TTLL6: variants seen among roughly 807,000 people sequenced by gnomAD.
The protein encoded by TTLL6 is tubulin polyglutamylase TTLL6.
A neutral mutation model predicts 96.4 loss-of-function variants in TTLL6; 75 were observed. The ratio of observed to expected loss-of-function variants is 0.78; its 90% CI spans 0.65 to 0.94. The LOEUF is 0.94. Among genes scored for constraint, TTLL6 ranks in the 40% least tolerant of loss-of-function variants. The pLI is 0.00. For missense variants in TTLL6, 1,030 were observed against 1,093.0 expected, an observed-to-expected ratio of 0.94 and a Z score of 0.81; for synonymous variants, 411 against 419.4, an observed-to-expected ratio of 0.98 and a Z score of 0.24.
At chr17:48,812,003 A>G (rs2143497901) in intron 1 of TTLL6, among the ~76,000 whole-genome samples, 2 of 151,990 alleles carry the variant, frequency 1.3e-5, no homozygotes, top group Admixed American at 1.3e-4. Context: ...GCCCAGCCAG[A>G]AAGCATTTTA....
rs1555569643 is a variant in TTLL6, at chr17:48,810,825, G to GTATA, written c.104-5838_104-5835dup. Among the ~76,000 whole-genome samples, 544 of 84,312 alleles carry GTATA rather than the reference G, an allele frequency of 6.5e-3. 17 individuals carry two copies. The highest frequency in any genetic ancestry group is 0.019 in the South Asian group (47 of 2,466). 55.3% of individuals were successfully genotyped at this position (84,312 alleles called of 152,430 possible). On this transcript the variant is annotated intron_variant, in intron 1 of 15. Coordinates refer to ENST00000393382, the MANE Select transcript of TTLL6 (RefSeq NM_001130918.3). Reference sequence around the variant, plus strand: ...ATATACACATATATAGTATGTGTGTGTATATATATATATATATATATATAT... The same window carrying GTATA: ...ATATACACATATATAGTATGTGTGTGTATATATATATATATATATATATATATAT...
chr17:48,791,418 T>A lies in TTLL6; in HGVS notation c.1184A>T (p.Asp395Val), dbSNP rs2039220556. 4 of 1,614,184 alleles carry A rather than the reference T, an allele frequency of 2.5e-6. No homozygotes were observed. The highest frequency in any genetic ancestry group is 3.4e-6 in the Non-Finnish European group (4 of 1,180,034). ...TTTGAGTTTGTGGTCCAACAAAATGTCAAAGCCCAGGATCTCAAAGCAGGC... is the reference window on the plus strand; with the variant it reads ...TTTGAGTTTGTGGTCCAACAAAATGACAAAGCCCAGGATCTCAAAGCAGGC... ...NSACFEILGFDILLDHKLKPW... is the reference protein window; with the variant it reads ...NSACFEILGFVILLDHKLKPW... Residue 395 changes from aspartate to valine, a missense_variant, in exon 9 of 16, where the codon GAC (aspartate) becomes GTC (valine). By Grantham distance (152) the Asp-to-Val change is radical. Coordinates refer to ENST00000393382, the MANE Select transcript of TTLL6 (RefSeq NM_001130918.3).
Position 48,785,073 on chromosome 17 carries a change from G to A in TTLL6, c.1890C>T (p.Phe630=), listed in dbSNP as rs762905437. The A allele has an allele frequency of 6.2e-7, 1 of 1,614,122 alleles. No homozygotes were observed. Among genetic ancestry groups the A allele is most frequent in the South Asian group, 1.1e-5 (1 of 91,080 alleles). The change falls in exon 13 of 16, where the codon TTC becomes TTT. Residue 630 remains phenylalanine (F), a synonymous_variant. Transcript: ENST00000393382. ...EAPTEEASSV[F]PKLTSAKPFS... ...AGGGCTTCGCAGACGTCAGCTTGGG[G>A]AAAACAGAGCTGGCCTCCTCCGTGG...
chr17:48,786,130 G>GC (rs2039086432), intron 12 of TTLL6, 34 bp downstream of exon 12: 2 of 1,612,888 alleles, frequency 1.2e-6, no homozygotes, highest in Admixed American at 1.7e-5. Flanking sequence ...GGGGAAGGGT[G>GC]TGGCTACGTG....
chr17:48,784,022 G>T (rs1367449517), intron 13 of TTLL6, among the ~76,000 whole-genome samples: 1 of 152,130 alleles, frequency 6.6e-6, no homozygotes, highest in Non-Finnish European at 1.5e-5. Context: ...TTTGGAGAGA[G>T]GGTCTTTGCA....
chr17:48,810,701 A>G (rs1015364822), intron 1 of TTLL6, among the ~76,000 whole-genome samples: 2 of 151,530 alleles, frequency 1.3e-5, no homozygotes, highest in African/African-American at 4.8e-5. Context: ...TCAAAAAACA[A>G]TCAAACAAAA....
intron 8 of TTLL6, among the ~76,000 whole-genome samples, chr17:48,793,101 T>C (rs1031831143): frequency 2.0e-5 from 3 of 152,200 alleles, no homozygotes; most frequent in Non-Finnish European, 4.4e-5. Context: ...TCTCCTTCAC[T>C]GTGACCGCAG....
In TTLL6 at chr17:48,769,034, G is replaced by A. The variant is rs765881931; in HGVS notation, c.2631C>T (p.Tyr877=). ...RDPCMQDQEA[Y]SHCLISGQKG... is the part of the protein sequence containing the mutation. ...TTTGGCCAGAGATCAGGCAATGGCT[G>A]TATGCTTCTTGATCCTGCATACATG... is the stretch of plus-strand genomic sequence containing the variant. Residue 877 remains tyrosine (Y), a synonymous_variant, in exon 15 of 16, where the codon TAC becomes TAT. Transcript: ENST00000393382. 1.2e-6 allele frequency: 2 copies of A among 1,614,234 alleles called. No homozygotes were observed. The highest frequency in any genetic ancestry group is 2.2e-5 in the South Asian group (2 of 91,084).
intron 7 of TTLL6, among the ~76,000 whole-genome samples, chr17:48,796,726 G>T (rs1009705425): frequency 2.6e-5 from 4 of 152,098 alleles, no homozygotes; most frequent in African/African-American, 9.7e-5. Flanking sequence ...TGGCAGGGTT[G>T]CTCATCCACG....
chr17:48,783,851 T>C (rs184793590), intron 13 of TTLL6, among the ~76,000 whole-genome samples: 1 of 152,174 alleles, frequency 6.6e-6, no homozygotes, highest in East Asian at 1.9e-4. Context: ...TAAAAATAAT[T>C]TAAGTCTACA....
chr17:48,792,217 G>A (rs1446706553), intron 8 of TTLL6, among the ~76,000 whole-genome samples: 1 of 152,198 alleles, frequency 6.6e-6, no homozygotes, highest in African/African-American at 2.4e-5. Flanking sequence ...GGCAAACGGA[G>A]ACAGCTGGTC....
chr17:48,810,897 A>G (rs1314662844), intron 1 of TTLL6, among the ~76,000 whole-genome samples: 1 of 145,200 alleles, frequency 6.9e-6, no homozygotes, highest in African/African-American at 2.5e-5. Flanking sequence ...CAACTAGAAA[A>G]TGCAGATTTC....
At chr17:48,764,855 G>A (rs576663483) in intron 15 of TTLL6, among the ~76,000 whole-genome samples, 3 of 152,216 alleles carry the variant, frequency 2.0e-5, no homozygotes, top group South Asian at 2.1e-4. Context: ...GACCCCATAC[G>A]GTATTCTAGG....
At position 48,787,875 on chromosome 17, in the gene TTLL6, A is replaced by C. The variant is rs2039135954; in HGVS notation, c.1525T>G (p.Phe509Val). 1.9e-6 allele frequency: 3 copies of C among 1,614,068 alleles called. No individual in the cohort carries two copies. Among genetic ancestry groups the C allele is most frequent in the South Asian group, 2.2e-5 (2 of 91,090 alleles). Residue 509 changes from phenylalanine (F) to valine (V), a missense_variant, in exon 11 of 16, where the codon TTC becomes GTC. Coordinates refer to ENST00000393382, the MANE Select transcript of TTLL6 (RefSeq NM_001130918.3). ...TGGAAGAGGGAGTTGTTGTCCTGGA[A>C]AAACTTCTCATACTTCTCCGAATTC... is the stretch of plus-strand genomic sequence containing the variant. ...SLNSEKYEKF[F>V]QDNNSLFQNT... is the part of the protein sequence containing the mutation.
At chr17:48,802,927 T>C (rs993587704) in intron 3 of TTLL6, among the ~76,000 whole-genome samples, 2 of 151,672 alleles carry the variant, frequency 1.3e-5, no homozygotes, top group African/African-American at 2.4e-5. Context: ...CCCAACACTC[T>C]GGGACGCTGA....
rs1468963235 is a variant in TTLL6 at position 48,789,794 on chromosome 17, T to A, written c.1400+137A>T. 9.5e-6 allele frequency: 8 copies of A among 837,716 alleles called. No individual in the cohort carries two copies. In the African/African-American group the frequency reaches 1.4e-4, roughly 14 times the overall value. 51.9% of individuals were successfully genotyped at this position (837,716 alleles called of 1,614,324 possible). On this transcript the variant is annotated intron_variant, in intron 10 of 15. Coordinates refer to ENST00000393382, the MANE Select transcript of TTLL6 (RefSeq NM_001130918.3). ...CTGGTCTCGAACTCCTGACCTCAGGTGATCTGCCTGCCTCAGCCTCCCAAA... is the reference window on the plus strand; with the variant it reads ...CTGGTCTCGAACTCCTGACCTCAGGAGATCTGCCTGCCTCAGCCTCCCAAA...
In TTLL6 at chr17:48,770,271, T is replaced by C. The variant is rs149108752; in HGVS notation, c.2041-174A>G. Among the ~76,000 whole-genome samples the C allele has an allele frequency of 9.9e-3, 1,503 of 151,648 alleles. 11 individuals carry two copies. Among genetic ancestry groups the C allele is most frequent in the Non-Finnish European group, 0.015 (1,022 of 67,852 alleles). ...AGCCTCCTGAGTAGCTGGGACTACA[T>C]GTGAGTGCCACCATGCCCAGCTCCC... is the stretch of plus-strand genomic sequence containing the variant. On this transcript the variant is annotated intron_variant, in intron 13 of 15. Coordinates refer to ENST00000393382, the MANE Select transcript of TTLL6 (RefSeq NM_001130918.3).
chr17:48,766,342 G>C (rs2038604523), intron 15 of TTLL6, among the ~76,000 whole-genome samples: 1 of 152,226 alleles, frequency 6.6e-6, no homozygotes, highest in Admixed American at 6.5e-5. Flanking sequence ...AGACTCTCTA[G>C]TATGATTGGA....
chr17:48,774,058 G>A (rs1597963680), intron 13 of TTLL6, among the ~76,000 whole-genome samples: 1 of 106,946 alleles, frequency 9.4e-6, no homozygotes, highest in East Asian at 2.6e-4. Flanking sequence ...CTCCAGCCTG[G>A]ACAACAAGAG....
Sources: allele counts gnomAD v4.1 joint callset (sites outside exome capture counted in the v4.1 genomes callset), GRCh38; gene constraint gnomAD v4.1.1; transcripts MANE v1.5; gene names NCBI Gene and HGNC (gene_info 2026-07-23, HGNC 2026-07-21).